IL1RAPL1: variants seen among roughly 807,000 people sequenced by gnomAD.
The protein encoded by IL1RAPL1 is interleukin-1 receptor accessory protein-like 1.
IL1RAPL1 carries 3 observed loss-of-function variants against 48.4 expected under a neutral mutation model. The ratio of observed to expected loss-of-function variants is 0.06; its 90% CI spans 0.03 to 0.16. The LOEUF is 0.16. IL1RAPL1 is among the 10% of genes least tolerant of loss of function. IL1RAPL1 has a pLI of 1.00. For synonymous variants in IL1RAPL1, 185 were observed against 187.7 expected (o/e 0.99, Z 0.12); for missense variants, 349 against 530.6 (o/e 0.66, Z 3.36).
At chrX:29,039,695 A>T (rs1926801693) in intron 2 of IL1RAPL1, among the ~76,000 whole-genome samples, 1 of 107,584 alleles carries the variant, frequency 9.3e-6, no homozygotes, top group Admixed American at 1.0e-4. Flanking sequence ...CAACTTAAGG[A>T]GGATAAGCTA....
intron 2 of IL1RAPL1, among the ~76,000 whole-genome samples, chrX:29,280,952 G>T (rs1932192240): frequency 8.9e-6 from 1 of 112,103 alleles, no homozygotes; most frequent in South Asian, 3.7e-4. Flanking sequence ...TTATATTTCT[G>T]TGAATAGTAA....
At chrX:29,555,548 G>A (rs930168998) in intron 5 of IL1RAPL1, among the ~76,000 whole-genome samples, 1 of 111,998 alleles carries the variant, frequency 8.9e-6, no homozygotes, top group African/African-American at 3.2e-5. Flanking sequence ...GAGATGGCTA[G>A]CCATTTCTTC....
chrX:28,601,977 C>T (rs184112507), intron 1 of IL1RAPL1, among the ~76,000 whole-genome samples: 3 of 108,710 alleles, frequency 2.8e-5, no homozygotes, highest in Non-Finnish European at 3.8e-5. Flanking sequence ...TGGTGGCGCA[C>T]GCCTGTAATC....
intron 2 of IL1RAPL1, among the ~76,000 whole-genome samples, chrX:28,806,384 T>C (rs1936732228): frequency 8.9e-6 from 1 of 111,806 alleles, no homozygotes; most frequent in Non-Finnish European, 1.9e-5. Flanking sequence ...ATAGGAATTG[T>C]GCAGCTTTTG....
chrX:28,962,484 T>C (rs1241078170), intron 2 of IL1RAPL1, among the ~76,000 whole-genome samples: 6 of 111,562 alleles, frequency 5.4e-5, no homozygotes. Context: ...AGTAAGACTT[T>C]TGTTTAATTT....
At chrX:28,939,497 CAAAG>C (rs1023121658) in intron 2 of IL1RAPL1, among the ~76,000 whole-genome samples, 2 of 110,187 alleles carry the variant, frequency 1.8e-5, no homozygotes, top group African/African-American at 6.6e-5. Context: ...CTCACGGACA[CAAAG>C]AAGGTAACAA....
At chrX:29,546,709 T>C (rs1921636629) in intron 5 of IL1RAPL1, among the ~76,000 whole-genome samples, 1 of 111,671 alleles carries the variant, frequency 9.0e-6, no homozygotes, top group Non-Finnish European at 1.9e-5. Context: ...TAACTGAAGG[T>C]ATATTATATT....
At chrX:28,604,431 A>G (rs1174137220) in intron 1 of IL1RAPL1, among the ~76,000 whole-genome samples, 1 of 111,814 alleles carries the variant, frequency 8.9e-6, no homozygotes, top group Non-Finnish European at 1.9e-5. Context: ...TGGAAAAAGT[A>G]AAAATTGTAT....
At chrX:29,005,585 G>A (rs762639772) in intron 2 of IL1RAPL1, among the ~76,000 whole-genome samples, 2 of 111,642 alleles carry the variant, frequency 1.8e-5, no homozygotes, top group Non-Finnish European at 3.8e-5. Flanking sequence ...AACATTATTC[G>A]AGTAGCTGCC....
chrX:29,206,239 G>A (rs760143966), intron 2 of IL1RAPL1, among the ~76,000 whole-genome samples: 21 of 110,287 alleles, frequency 1.9e-4, no homozygotes, highest in African/African-American at 6.2e-4. Context: ...TATTTATTTT[G>A]TGTATGTATA....
At chrX:29,196,693 G>C (rs1355125984) in intron 2 of IL1RAPL1, among the ~76,000 whole-genome samples, 2 of 109,658 alleles carry the variant, frequency 1.8e-5, no homozygotes, top group East Asian at 2.9e-4. Flanking sequence ...ATTTTAACTA[G>C]AACTCTGCAG....
rs140827802 is a variant in IL1RAPL1, at chrX:29,678,342, C to CTTT, written c.778+9867_778+9869dup. On this transcript the variant is annotated intron_variant, in intron 6 of 10. Transcript: ENST00000378993. ...TTCACCACACACAAGTTCAACACTACTTTTTTTTTTTTTTTTTTTTTTTTT... is the reference window on the plus strand; with the variant it reads ...TTCACCACACACAAGTTCAACACTACTTTTTTTTTTTTTTTTTTTTTTTTTTTT... 6.8e-3 allele frequency among the ~76,000 whole-genome samples: 285 copies of CTTT among 41,712 alleles called. 65 individuals are homozygous for CTTT. The highest frequency in any genetic ancestry group is 0.027 in the East Asian group (22 of 807). The allele number at this position is 41,712 out of a possible 115,157, so 36.2% of individuals were successfully genotyped here. A position where few individuals can be genotyped will look rare whatever the true frequency, so the allele number is the denominator to read the frequency against.
At chrX:29,699,593 C>T (rs1315726877) in intron 6 of IL1RAPL1, among the ~76,000 whole-genome samples, 1 of 111,943 alleles carries the variant, frequency 8.9e-6, no homozygotes, top group African/African-American at 3.2e-5. Context: ...CTTTTAGAAA[C>T]CCCAGCCAGA....
chrX:29,202,958 C>T (rs1031313781), intron 2 of IL1RAPL1, among the ~76,000 whole-genome samples: 4 of 111,179 alleles, frequency 3.6e-5, no homozygotes, highest in Non-Finnish European at 7.5e-5. Context: ...ACCCCCATGA[C>T]ATGCAATTTA....
chrX:29,186,978 G>T (rs7877425), intron 2 of IL1RAPL1, among the ~76,000 whole-genome samples: 7 of 110,705 alleles, frequency 6.3e-5, no homozygotes, highest in African/African-American at 1.3e-4. Flanking sequence ...TTGGAGTTGG[G>T]GGGGAGGGAG....
chrX:29,182,683 T>G (rs766277878), intron 2 of IL1RAPL1, among the ~76,000 whole-genome samples: 1 of 111,175 alleles, frequency 9.0e-6, no homozygotes, highest in Non-Finnish European at 1.9e-5. Flanking sequence ...TGACAAAACT[T>G]GTAACATATG....
intron 2 of IL1RAPL1, among the ~76,000 whole-genome samples, chrX:28,877,415 A>G (rs1265232542): frequency 8.9e-6 from 1 of 111,997 alleles, no homozygotes; most frequent in Non-Finnish European, 1.9e-5. Context: ...TTATTTTGCA[A>G]TCCTGCCAGT....
At chrX:28,666,648 C>T (rs1934882113) in intron 1 of IL1RAPL1, among the ~76,000 whole-genome samples, 1 of 111,212 alleles carries the variant, frequency 9.0e-6, no homozygotes, top group African/African-American at 3.3e-5. Context: ...CTAATTAGAA[C>T]AAAAAAACCA....
chrX:28,886,951 C>A (rs1012575181), intron 2 of IL1RAPL1, among the ~76,000 whole-genome samples: 1 of 111,822 alleles, frequency 8.9e-6, no homozygotes, highest in African/African-American at 3.2e-5. Flanking sequence ...TAGGAAATTA[C>A]AGAGTAAAAT....
Sources: gnomAD v4.1 joint callset for allele counts (sites outside exome capture counted in the v4.1 genomes callset) on GRCh38, gnomAD v4.1.1 for gene constraint, MANE v1.5 for transcripts, NCBI Gene and HGNC (gene_info 2026-07-23, HGNC 2026-07-21) for gene names.